AK8: variants seen among roughly 807,000 people sequenced by gnomAD.
AK8 encodes adenylate kinase 8, also known as ATP-AMP transphosphorylase 8.
AK8 carries 44 observed loss-of-function variants against 54.6 expected under a neutral mutation model. That is an observed-to-expected ratio of 0.81 (90% confidence interval 0.63 to 1.04). The LOEUF is 1.04. Ranked by LOEUF, AK8 falls within the 50% of genes least tolerant of loss-of-function variation. The pLI is 0.00. For synonymous variants in AK8, 239 were observed against 245.6 expected (o/e 0.97, Z 0.25); for missense variants, 555 against 613.6 (o/e 0.90, Z 1.01).
Position 132,725,783 on chromosome 9 carries a change from A to T in AK8, c.1345T>A (p.Ser449Thr). Reference protein sequence around the residue: ...NSADLEQLYGSAITLNGDQDP... With the variant: ...NSADLEQLYGTAITLNGDQDP... ...TGGTCCCCATTGAGGGTGATGGCCG[A>T]CCCATACAACTGCTCCAAGTCAGCT... The change falls in exon 13 of 13, where the codon TCG (serine) becomes ACG (threonine). Residue 449 changes from serine to threonine, a missense_variant. Coordinates refer to ENST00000298545, the MANE Select transcript of AK8 (RefSeq NM_152572.3). 6.2e-7 allele frequency: 1 copy of T among 1,602,746 alleles called. No homozygotes were observed.
chr9:132,763,143 C>T (rs1488077889), intron 11 of AK8, among the ~76,000 whole-genome samples: 1 of 152,214 alleles, frequency 6.6e-6, no homozygotes, highest in Non-Finnish European at 1.5e-5. Context: ...GCCACTGTGG[C>T]CAGCCGGCTG....
At chr9:132,756,404 C>G (rs946359663) in intron 11 of AK8, among the ~76,000 whole-genome samples, 1 of 152,236 alleles carries the variant, frequency 6.6e-6, no homozygotes, top group Non-Finnish European at 1.5e-5. Flanking sequence ...GCTCCGAAGC[C>G]AGGCGGGGAG....
At chr9:132,752,988 C>T (rs984348357) in intron 11 of AK8, among the ~76,000 whole-genome samples, 3 of 152,172 alleles carry the variant, frequency 2.0e-5, no homozygotes, top group African/African-American at 7.2e-5. Context: ...GTGGCCCCAG[C>T]GTCTGGAACG....
At chr9:132,831,879 AC>A (rs1321632184) in intron 5 of AK8, among the ~76,000 whole-genome samples, 2 of 149,660 alleles carry the variant, frequency 1.3e-5, no homozygotes, top group Non-Finnish European at 3.0e-5. Flanking sequence ...ACACAATGAG[AC>A]CCCCCCACTC....
At chr9:132,827,628 A>T (rs1365296502) in intron 7 of AK8, among the ~76,000 whole-genome samples, 1 of 152,146 alleles carries the variant, frequency 6.6e-6, no homozygotes, top group Non-Finnish European at 1.5e-5. Flanking sequence ...CTCCCAGGTA[A>T]TGCTCATGCC....
intron 11 of AK8, among the ~76,000 whole-genome samples, chr9:132,756,058 C>T (rs919062982): frequency 7.2e-5 from 11 of 152,206 alleles, no homozygotes; most frequent in Non-Finnish European, 1.6e-4. Flanking sequence ...TGAGCCACCA[C>T]ACCTAGACTC....
At chr9:132,804,568 G>C (rs956626121) in intron 10 of AK8, among the ~76,000 whole-genome samples, 1 of 151,998 alleles carries the variant, frequency 6.6e-6, no homozygotes, top group African/African-American at 2.4e-5. Flanking sequence ...CCCAGGGAGG[G>C]GGGTGGGAGC....
At chr9:132,749,560 G>C (rs922917333) in intron 11 of AK8, among the ~76,000 whole-genome samples, 24 of 151,932 alleles carry the variant, frequency 1.6e-4, no homozygotes, top group African/African-American at 5.8e-4. Context: ...GGATGAGGCA[G>C]CTTGCCCCGA....
Position 132,799,217 on chromosome 9 carries a change from C to T in AK8, c.980-6442G>A, listed in dbSNP as rs896861783. 6.6e-6 allele frequency among the ~76,000 whole-genome samples: 1 copy of T among 152,178 alleles called. No homozygotes were observed. Among genetic ancestry groups the T allele is most frequent in the Non-Finnish European group, 1.5e-5 (1 of 68,024 alleles). ...AGAGCCAGCCCTGCAGGGACCTTGGCTTTCTGCCCATCAGTTATTGTTGAG... is the reference window on the plus strand; with the variant it reads ...AGAGCCAGCCCTGCAGGGACCTTGGTTTTCTGCCCATCAGTTATTGTTGAG... On this transcript the variant is annotated intron_variant, in intron 10 of 12. Coordinates refer to ENST00000298545, the MANE Select transcript of AK8 (RefSeq NM_152572.3). The surrounding 1 kb of genome is among the most constrained non-coding windows in gnomAD (Gnocchi z 5.0).
intron 10 of AK8, among the ~76,000 whole-genome samples, chr9:132,804,104 C>CAAAAAA (rs200556575): frequency 1.1e-5 from 1 of 93,270 alleles, no homozygotes; most frequent in South Asian, 3.7e-4. Flanking sequence ...GACTCCATCT[C>CAAAAAA]AAAAAAAAAA....
chr9:132,748,492 T>C (rs560857925), intron 11 of AK8, among the ~76,000 whole-genome samples: 46 of 152,066 alleles, frequency 3.0e-4, no homozygotes, highest in African/African-American at 9.4e-4. Flanking sequence ...AATAGCTCAG[T>C]GCAAATCAAT....
At chr9:132,741,345 G>A (rs1026588487) in intron 11 of AK8, among the ~76,000 whole-genome samples, 1 of 152,192 alleles carries the variant, frequency 6.6e-6, no homozygotes, top group Non-Finnish European at 1.5e-5. Context: ...ATCTTCACTG[G>A]GCACTGCACC....
At chr9:132,760,238 C>G (rs183121216) in intron 11 of AK8, among the ~76,000 whole-genome samples, 40 of 151,412 alleles carry the variant, frequency 2.6e-4, no homozygotes, top group Admixed American at 4.6e-4. Flanking sequence ...GGCTGCAGTG[C>G]AGTGGAATGA....
intron 3 of AK8, among the ~76,000 whole-genome samples, chr9:132,864,449 A>G (rs1843511140): frequency 6.6e-6 from 1 of 152,128 alleles, no homozygotes; most frequent in Non-Finnish European, 1.5e-5. Context: ...GGCCTCACTG[A>G]GCCCTCACTG....
chr9:132,854,913 C>T lies in AK8; in HGVS notation c.346G>A (p.Ala116Thr), dbSNP rs771077122. ...TCCTGAATCAGCTGGACGAGCAGCG[C>T]GCTGGGAACTGTCTGAAGGAAAAAG... Reference protein sequence around the residue: ...LYLQRKTVPSALLVQLIQERL... With the variant: ...LYLQRKTVPSTLLVQLIQERL... The change falls in exon 5 of 13, where the codon GCG becomes ACG. Residue 116 changes from alanine to threonine, a missense_variant. Coordinates refer to ENST00000298545, the MANE Select transcript of AK8 (RefSeq NM_152572.3). 40 of 1,613,960 alleles carry T rather than the reference C, an allele frequency of 2.5e-5. No individual in the cohort carries two copies. The highest frequency in any genetic ancestry group is 1.6e-4 in the Middle Eastern group (1 of 6,062).
chr9:132,768,139 G>A (rs746256150), intron 11 of AK8, among the ~76,000 whole-genome samples: 20 of 152,252 alleles, frequency 1.3e-4, no homozygotes, highest in Middle Eastern at 6.8e-3. Flanking sequence ...GATGTTTAAG[G>A]TGACGGACAT....
At position 132,792,807 on chromosome 9, in the gene AK8, C is replaced by T. The variant is rs1840003820; in HGVS notation, c.980-32G>A. 5 of 1,543,136 alleles carry T rather than the reference C, an allele frequency of 3.2e-6. No homozygotes were observed. The South Asian group carries it at 4.8e-5, about 15-fold the overall frequency. ...AGAAGGGGGGCAAGTGAGTACCCTG[C>T]TGGCCGGCAGCCCATGGGTCCTGGG... On this transcript the variant is annotated intron_variant, in intron 10 of 12. Transcript: ENST00000298545.
chr9:132,737,208 G>A (rs983562641), intron 11 of AK8, among the ~76,000 whole-genome samples: 15 of 152,116 alleles, frequency 9.9e-5, no homozygotes, highest in African/African-American at 3.6e-4. Context: ...GCAACTGGGG[G>A]AGAGAAGTTC....
intron 11 of AK8, among the ~76,000 whole-genome samples, 155 bp downstream of exon 11, chr9:132,792,479 G>A (rs575240119): frequency 2.6e-4 from 40 of 152,306 alleles, no homozygotes; most frequent in Non-Finnish European, 4.7e-4. Flanking sequence ...CTAGTCCACC[G>A]GGCAGATGGG....
Sources: gnomAD v4.1 joint callset for allele counts (sites outside exome capture counted in the v4.1 genomes callset) on GRCh38, gnomAD v4.1.1 for gene constraint, Gnocchi (gnomAD v3.1) non-coding constraint, MANE v1.5 for transcripts, NCBI Gene and HGNC (gene_info 2026-07-23, HGNC 2026-07-21) for gene names.